STX12: variants seen among roughly 807,000 people sequenced by gnomAD.
STX12 encodes the protein syntaxin 12, also known as syntaxin-12.
STX12 carries 17 observed loss-of-function variants against 42.2 expected under a neutral mutation model. The observed-to-expected ratio is 0.40, with a 90% CI of 0.28 to 0.60. The LOEUF is 0.60. Among genes scored for constraint, STX12 ranks in the 20% least tolerant of loss-of-function variants. The probability of loss-of-function intolerance (pLI) is 0.39; values close to 1 mark genes in which losing one functional copy is unlikely to be tolerated. For synonymous variants in STX12, 108 were observed against 116.7 expected (o/e 0.93, Z 0.48); for missense variants, 297 against 330.9 (o/e 0.90, Z 0.79).
At chr1:27,801,615 G>A in intron 3 of STX12, 63 bp from the exon 4 acceptor site, 1 of 1,426,146 alleles carries the variant, frequency 7.0e-7, no homozygotes, top group Non-Finnish European at 9.2e-7. Context: ...ACTTTTAAGG[G>A]AAATTAAAAC....
intron 4 of STX12, among the ~76,000 whole-genome samples, chr1:27,804,846 T>C (rs961120610): frequency 4.6e-5 from 7 of 151,202 alleles, no homozygotes; most frequent in African/African-American, 1.7e-4. Context: ...TGCCAGAGAC[T>C]GGGTAATTTA....
intron 6 of STX12, among the ~76,000 whole-genome samples, chr1:27,816,571 C>T (rs1397188315): frequency 7.5e-6 from 1 of 132,634 alleles, no homozygotes; most frequent in African/African-American, 2.8e-5. Flanking sequence ...TTTGGGAGGC[C>T]GAGGCAGGCG....
At chr1:27,818,879 T>C (rs2088962812) in intron 7 of STX12, among the ~76,000 whole-genome samples, 1 of 152,154 alleles carries the variant, frequency 6.6e-6, no homozygotes, top group Non-Finnish European at 1.5e-5. Context: ...CTGCCCGCCT[T>C]GGCCTCCCAG....
chr1:27,792,603 G>C (rs1380206028), intron 2 of STX12, among the ~76,000 whole-genome samples: 1 of 151,458 alleles, frequency 6.6e-6, no homozygotes, highest in Non-Finnish European at 1.5e-5. Context: ...AGCCCATTTG[G>C]GCTACTATAA....
intron 7 of STX12, among the ~76,000 whole-genome samples, chr1:27,819,270 T>TA (rs1193228798): frequency 0.13 from 15,201 of 114,138 alleles, 2,466 homozygotes; most frequent in African/African-American, 0.39. Flanking sequence ...TCCCGTCTCT[T>TA]AAAAAAAAAA....
intron 3 of STX12, among the ~76,000 whole-genome samples, chr1:27,794,013 A>G (rs1049949443): frequency 3.1e-5 from 4 of 128,898 alleles, no homozygotes; most frequent in African/African-American, 1.3e-4. Flanking sequence ...TTTTTTAATT[A>G]TTATTATTTT....
intron 8 of STX12, chr1:27,819,970 A>G (rs1021779875): frequency 1.6e-5 from 6 of 371,910 alleles, no homozygotes; most frequent in Non-Finnish European, 3.0e-5. Context: ...AACCCTATAC[A>G]CTAATATGAT....
intron 2 of STX12, among the ~76,000 whole-genome samples, chr1:27,792,147 T>C (rs1372124294): frequency 1.8e-5 from 2 of 108,700 alleles, no homozygotes; most frequent in Admixed American, 8.6e-5. Flanking sequence ...TATATATCTA[T>C]ATATGTGTAT....
intron 1 of STX12, chr1:27,774,120 T>C (rs922243630): frequency 3.3e-5 from 5 of 152,216 alleles, no homozygotes; most frequent in Admixed American, 1.3e-4. Flanking sequence ...AGGCTTTTGT[T>C]TTCCTTCCCT....
intron 5 of STX12, among the ~76,000 whole-genome samples, chr1:27,810,991 A>G (rs2088899125): frequency 6.6e-6 from 1 of 152,062 alleles, no homozygotes; most frequent in African/African-American, 2.4e-5. Context: ...TATATCTAGT[A>G]TAATAAGTAA....
At position 27,793,633 on chromosome 1, in the gene STX12, G is replaced by T; in HGVS notation, c.288+1G>T. ...CCTTCCCTTATCTACTTCAGAACAG[G>T]TTGGTATTTTCTGTTTTGTTTATTA... On this transcript the variant is annotated splice_donor_variant, in intron 3 of 8. Coordinates refer to ENST00000373943, the MANE Select transcript of STX12 (RefSeq NM_177424.3). LOFTEE classifies it high-confidence loss of function. 2 of 1,612,382 alleles carry T rather than the reference G, an allele frequency of 1.2e-6. No homozygotes were observed. The highest frequency in any genetic ancestry group is 1.7e-6 in the Non-Finnish European group (2 of 1,178,586).
chr1:27,818,322 A>C (rs2088957255), intron 7 of STX12, among the ~76,000 whole-genome samples: 2 of 152,012 alleles, frequency 1.3e-5, no homozygotes, highest in Non-Finnish European at 2.9e-5. Context: ...TGGAGGTTGC[A>C]GTGAGCCGAG....
intron 6 of STX12, among the ~76,000 whole-genome samples, chr1:27,812,596 C>T (rs2088910969): frequency 6.6e-6 from 1 of 152,100 alleles, no homozygotes; most frequent in African/African-American, 2.4e-5. Context: ...CATGTGCCAC[C>T]ACGCCCAGCT....
chr1:27,798,808 G>A (rs961289867), intron 3 of STX12, among the ~76,000 whole-genome samples: 171 of 141,470 alleles, frequency 1.2e-3, no homozygotes, highest in African/African-American at 3.9e-3. Flanking sequence ...AAAAAAATTA[G>A]CCAGGCATCG....
intron 8 of STX12, among the ~76,000 whole-genome samples, chr1:27,820,739 G>A (rs2088978275): frequency 1.3e-5 from 2 of 151,866 alleles, no homozygotes; most frequent in African/African-American, 4.8e-5. Context: ...GTTTATTGCG[G>A]CATTATTCAC....
Position 27,803,503 on chromosome 1 carries a change from A to G in STX12, c.426+1688A>G, listed in dbSNP as rs367810512. 2.0e-5 allele frequency among the ~76,000 whole-genome samples: 3 copies of G among 152,332 alleles called. No homozygotes were observed. In the East Asian group the frequency reaches 5.8e-4, roughly 29 times the overall value. The stretch of plus-strand genomic sequence containing the variant: ...TGAGGGCTAATTAAAGACATTTTCA[A>G]TCAAAAGAGAGTTTTCTGTCAGCAC... On this transcript the variant is annotated intron_variant, in intron 4 of 8. Transcript: ENST00000373943.
chr1:27,802,317 A>G (rs990545772), intron 4 of STX12, among the ~76,000 whole-genome samples: 5 of 152,216 alleles, frequency 3.3e-5, no homozygotes, highest in African/African-American at 1.2e-4. Context: ...TGATATCCTC[A>G]TGGCATGGGG....
intron 1 of STX12, among the ~76,000 whole-genome samples, chr1:27,775,764 G>A (rs551575432): frequency 4.7e-4 from 72 of 152,308 alleles, no homozygotes; most frequent in Non-Finnish European, 8.5e-4. Context: ...TGGCATTTGA[G>A]TTATGTCTGG....
At chr1:27,820,475 A>C (rs2088976720) in intron 8 of STX12, 1 of 152,134 alleles carries the variant, frequency 6.6e-6, no homozygotes, top group Non-Finnish European at 1.5e-5. Flanking sequence ...GTTCACTCTG[A>C]TGGTAGTTTC....
Sources: gnomAD v4.1 joint callset for allele counts (sites outside exome capture counted in the v4.1 genomes callset) on GRCh38, gnomAD v4.1.1 for gene constraint, MANE v1.5 for transcripts, NCBI Gene and HGNC (gene_info 2026-07-23, HGNC 2026-07-21) for gene names.